Variants in LRRC34 observed in about 807,000 individuals in gnomAD.
The protein encoded by LRRC34 is leucine rich repeat containing 34.
A neutral mutation model predicts 48.5 loss-of-function variants in LRRC34; 44 were observed. That is an observed-to-expected ratio of 0.91 (90% CI 0.71 to 1.17). The LOEUF is 1.17. Among genes scored for constraint, LRRC34 ranks in the 50% most tolerant of loss-of-function variants. LRRC34 has a pLI of 0.00. For synonymous variants in LRRC34, 192 were observed against 197.6 expected (o/e 0.97, Z 0.24); for missense variants, 502 against 563.0 (o/e 0.89, Z 1.10).
At chr3:169,800,003 G>A (rs1162243389) in intron 7 of LRRC34, among the ~76,000 whole-genome samples, 3 of 152,152 alleles carry the variant, frequency 2.0e-5, no homozygotes, top group Non-Finnish European at 2.9e-5. Context: ...GTGAGCCACC[G>A]TGCCCGGCCA....
chr3:169,807,283 A>G (rs1370325101), intron 4 of LRRC34, 143 bp downstream of exon 4: 3 of 789,190 alleles, frequency 3.8e-6, no homozygotes, highest in Non-Finnish European at 6.1e-6. Flanking sequence ...CAAATCCACA[A>G]TGGGTTTCCA....
rs79490962 is a variant in LRRC34 at position 169,795,532 on chromosome 3, A to T, written c.1144T>A (p.Ser382Thr). The T allele has an allele frequency of 5.6e-3, 8,978 of 1,612,588 alleles. 325 individuals carry two copies. In the East Asian group the frequency reaches 0.098, roughly 18 times the overall value. Residue 382 changes from serine to threonine, a missense_variant, in exon 10 of 11, where the codon TCT becomes ACT. By Grantham distance (58) the Ser-to-Thr change is moderately conservative. Transcript: ENST00000446859. Reference sequence around the variant, plus strand: ...TTGTTTCCCCAAATGTAGATATGAGAGAAAGTGAGATTTGTTTTCATTGAT... The same window carrying T: ...TTGTTTCCCCAAATGTAGATATGAGTGAAAGTGAGATTTGTTTTCATTGAT... ...SQSMKTNLTF[S>T]HIYIWGNKFD...
chr3:169,811,769 G>A (rs1296426807), intron 1 of LRRC34, among the ~76,000 whole-genome samples: 2 of 152,174 alleles, frequency 1.3e-5, no homozygotes, highest in Admixed American at 6.5e-5. Context: ...TGAACAAGTT[G>A]TTATGCCAGC....
At position 169,804,043 on chromosome 3, in the gene LRRC34, G is replaced by A. The variant is rs757921378; in HGVS notation, c.657+10C>T. The A allele has an allele frequency of 3.2e-6, 5 of 1,560,918 alleles. No homozygotes were observed. In the South Asian group the frequency reaches 6.1e-5, roughly 19 times the overall value. On this transcript the variant is annotated intron_variant, in intron 6 of 10. Coordinates refer to ENST00000446859, the MANE Select transcript of LRRC34 (RefSeq NM_001172779.2). Reference sequence around the variant, plus strand: ...TATCTGGATGATTTTCTCATAACCAGTTTACTCACCAGATCACAGTCACCC... The same window carrying A: ...TATCTGGATGATTTTCTCATAACCAATTTACTCACCAGATCACAGTCACCC...
chr3:169,807,308 T>A, intron 4 of LRRC34, 118 bp downstream of exon 4: 1 of 979,084 alleles, frequency 1.0e-6, no homozygotes, highest in Middle Eastern at 3.0e-4. Flanking sequence ...ATTTCGAGTG[T>A]TCTAGCACAG....
chr3:169,795,258 A>C, intron 10 of LRRC34: 1 of 267,778 alleles, frequency 3.7e-6, no homozygotes, highest in Non-Finnish European at 6.8e-6. Context: ...CCTTAGAGGA[A>C]TTAGAACTGT....
At chr3:169,796,547 C>T (rs1275780075) in intron 8 of LRRC34, 178 bp from the exon 9 acceptor site, 5 of 926,006 alleles carry the variant, frequency 5.4e-6, no homozygotes, top group Non-Finnish European at 7.8e-6. Context: ...TTCTTGTTTA[C>T]ACAACTAAAT....
Position 169,793,763 on chromosome 3 carries a change from G to A in LRRC34, c.1267C>T (p.Arg423Cys), listed in dbSNP as rs199832335. The change falls in exon 11 of 11, where the codon CGT (arginine) becomes TGT (cysteine). Residue 423 changes from arginine (R) to cysteine (C), a missense_variant. Transcript: ENST00000446859. ...TTGGAGACTTCTGCAAGATATACAC[G>A]TCCATCTACCACAAATGGCTCCACA... ...TDVEPFVVDG[R>C]VYLAEVSNGL... The A allele has an allele frequency of 6.5e-5, 105 of 1,613,514 alleles. No individual in the cohort carries two copies. Among genetic ancestry groups the A allele is most frequent in the Middle Eastern group, 1.7e-4 (1 of 6,058 alleles).
intron 1 of LRRC34, 51 bp from the exon 2 acceptor site, chr3:169,808,796 A>T (rs765554914): frequency 6.7e-6 from 7 of 1,043,292 alleles, no homozygotes; most frequent in Middle Eastern, 2.6e-4. Context: ...TAGAAGCTTT[A>T]AAAAAAACCA....
intron 10 of LRRC34, 25 bp downstream of exon 10, chr3:169,795,460 G>A: frequency 6.3e-7 from 1 of 1,581,458 alleles, no homozygotes. Context: ...AAAGCCTTCA[G>A]TGAAGGAAAA....
chr3:169,799,638 C>G (rs1331806746), intron 7 of LRRC34, among the ~76,000 whole-genome samples: 2 of 152,148 alleles, frequency 1.3e-5, no homozygotes, highest in African/African-American at 2.4e-5. Flanking sequence ...GCCTGGGTGA[C>G]AGAGTGAGAC....
chr3:169,807,905 G>A, intron 2 of LRRC34, 196 bp from the exon 3 acceptor site: 1 of 599,500 alleles, frequency 1.7e-6, no homozygotes, highest in South Asian at 3.0e-5. Context: ...TCTGCAGACT[G>A]CAAAGTGCTT....
intron 1 of LRRC34, among the ~76,000 whole-genome samples, chr3:169,809,663 A>G (rs1779496078): frequency 6.6e-6 from 1 of 152,158 alleles, no homozygotes; most frequent in African/African-American, 2.4e-5. Flanking sequence ...TGTTTTCTAT[A>G]CATCTACCTT....
Position 169,812,432 on chromosome 3 carries a change from G to C in LRRC34, c.117C>G (p.Gly39=), listed in dbSNP as rs1179647573. Residue 39 remains glycine, a synonymous_variant, in exon 1 of 11, where the codon GGC becomes GGG. Coordinates refer to ENST00000446859, the MANE Select transcript of LRRC34 (RefSeq NM_001172779.2). The surrounding 1 kb of genome is among the most constrained non-coding windows in gnomAD (Gnocchi z 4.3). ...AWASTQASTP[G]AALAVQRESP... is the part of the protein sequence containing the mutation. Reference sequence around the variant, plus strand: ...TACCGCGCTGGACCGCCAGGGCCGCGCCCGGAGTACTGGCCTGAGTGGAGG... The same window carrying C: ...TACCGCGCTGGACCGCCAGGGCCGCCCCCGGAGTACTGGCCTGAGTGGAGG... 1.3e-6 allele frequency: 2 copies of C among 1,529,396 alleles called. No homozygotes were observed. Among genetic ancestry groups the C allele is most frequent in the Non-Finnish European group, 1.7e-6 (2 of 1,144,774 alleles). 94.7% of individuals were successfully genotyped at this position (1,529,396 alleles called of 1,614,324 possible). A position where few individuals can be genotyped will look rare whatever the true frequency, so the allele number is the denominator to read the frequency against.
intron 6 of LRRC34, among the ~76,000 whole-genome samples, chr3:169,803,721 T>G (rs999458279): frequency 6.6e-6 from 1 of 152,204 alleles, no homozygotes; most frequent in Non-Finnish European, 1.5e-5. Flanking sequence ...CGTGAGCCAC[T>G]GCAGCCTAAA....
chr3:169,800,645 C>A lies in LRRC34; in HGVS notation c.753+14G>T. On this transcript the variant is annotated intron_variant, in intron 7 of 10. Transcript: ENST00000446859. Reference sequence around the variant, plus strand: ...CATGTTGTTATATTAACTACCATCACTTTGAATACATACCTGTTCACTGTA... The same window carrying A: ...CATGTTGTTATATTAACTACCATCAATTTGAATACATACCTGTTCACTGTA... 6.7e-7 allele frequency: 1 copy of A among 1,481,880 alleles called. No individual in the cohort carries two copies. The highest frequency in any genetic ancestry group is 9.1e-7 in the Non-Finnish European group (1 of 1,104,578). The allele number at this position is 1,481,880 out of a possible 1,614,324, so 91.8% of individuals were successfully genotyped here.
At chr3:169,808,845 G>A (rs1779470765) in intron 1 of LRRC34, 100 bp from the exon 2 acceptor site, 2 of 656,976 alleles carry the variant, frequency 3.0e-6, no homozygotes, top group South Asian at 3.6e-5. Context: ...TTGTATGTGT[G>A]TATAGTGGGG....
At chr3:169,810,735 G>T (rs9831661) in intron 1 of LRRC34, among the ~76,000 whole-genome samples, 56,308 of 152,092 alleles carry the variant, frequency 0.37, 11,784 homozygotes, top group East Asian at 0.68. Context: ...TGCACACTCT[G>T]CAAACTGTTA....
chr3:169,812,401 ACTT>A lies in LRRC34; in HGVS notation c.139+6_139+8del, dbSNP rs1779621131. ...GCCAGGCCGCGCAGACGTGCTCCCT[ACTT>A]CTTACCGCGCTGGACCGCCAGGGCC... On this transcript the variant is annotated splice_donor_region_variant and intron_variant, in intron 1 of 10. Coordinates refer to ENST00000446859, the MANE Select transcript of LRRC34 (RefSeq NM_001172779.2). The surrounding 1 kb of genome is among the most constrained non-coding windows in gnomAD (Gnocchi z 4.3). 6.6e-7 allele frequency: 1 copy of A among 1,526,034 alleles called. No individual in the cohort carries two copies. 94.5% of individuals were successfully genotyped at this position (1,526,034 alleles called of 1,614,324 possible).
Sources: allele counts gnomAD v4.1 joint callset (sites outside exome capture counted in the v4.1 genomes callset), GRCh38; gene constraint gnomAD v4.1.1; non-coding constraint Gnocchi (gnomAD v3.1); transcripts MANE v1.5; gene names NCBI Gene and HGNC (gene_info 2026-07-23, HGNC 2026-07-21).